The following SYT2 variants were observed in gnomAD, a reference collection of about 807,000 sequenced individuals.
The protein encoded by SYT2 is synaptotagmin 2.
In SYT2, 15 loss-of-function variants were observed where a neutral mutation model predicts 39.9. The ratio of observed to expected loss-of-function variants is 0.38; its 90% CI spans 0.25 to 0.58. The LOEUF (loss-of-function observed/expected upper bound fraction) is 0.58, where lower values mean the gene tolerates loss of function less well. Among genes scored for constraint, SYT2 ranks in the 20% least tolerant of loss-of-function variants. The pLI is 0.70. For missense variants in SYT2, 389 were observed against 530.3 expected, an observed-to-expected ratio of 0.73 and a Z score of 2.62; for synonymous variants, 181 against 204.5, an observed-to-expected ratio of 0.89 and a Z score of 0.98.
chr1:202,676,624 T>G (rs1653380958), intron 1 of SYT2, among the ~76,000 whole-genome samples: 1 of 152,182 alleles, frequency 6.6e-6, no homozygotes. Flanking sequence ...CAGGCTAGCA[T>G]TTTGGCTTCA....
At position 202,629,873 on chromosome 1, in the gene SYT2, G is replaced by GGC. The variant is rs1553338289; in HGVS notation, c.-17-24085_-17-24084insGC. Among the ~76,000 whole-genome samples the GGC allele has an allele frequency of 3.2e-3, 400 of 125,816 alleles. 51 individuals are homozygous for GGC. Among genetic ancestry groups the GGC allele is most frequent in the Non-Finnish European group, 5.3e-3 (300 of 56,362 alleles). The allele number at this position is 125,816 out of a possible 152,430, so 82.5% of individuals were successfully genotyped here. A position where few individuals can be genotyped will look rare whatever the true frequency, so the allele number is the denominator to read the frequency against. On this transcript the variant is annotated intron_variant, in intron 1 of 8. Coordinates refer to ENST00000367268, the MANE Select transcript of SYT2 (RefSeq NM_177402.5). ...ATACCCAGCAGGCAGCTGGTGGGGG[G>GGC]GGGGGGGTGGTACGGCAGGTGTGTT...
chr1:202,705,234 C>T (rs1268791798), intron 1 of SYT2, among the ~76,000 whole-genome samples: 2 of 152,238 alleles, frequency 1.3e-5, no homozygotes, highest in African/African-American at 4.8e-5. Flanking sequence ...AACCACACAA[C>T]TTCTCTGGGC....
At chr1:202,640,734 C>CAGAGAGAGAGAGAGAGAG (rs56979202) in intron 1 of SYT2, among the ~76,000 whole-genome samples, 6 of 90,666 alleles carry the variant, frequency 6.6e-5, no homozygotes, top group South Asian at 4.5e-4. Context: ...TCCTAATGGT[C>CAGAGAGAGAGAGAGAGAG]AGAGAGAGAG....
In SYT2 at chr1:202,593,832, T is replaced by C. The variant is rs1384219192; in HGVS notation, c.*2925A>G. 3 of 152,140 alleles carry C rather than the reference T, an allele frequency of 2.0e-5. No individual in the cohort carries two copies. Among genetic ancestry groups the C allele is most frequent in the Admixed American group, 2.0e-4 (3 of 15,262 alleles). The allele number at this position is 152,140 out of a possible 1,614,324, so 9.4% of individuals were successfully genotyped here. ...AAATCACCTCTATACTACTTTCCTTTCTCTGGAACAGACTTTGAGATGAAA... is the reference window on the plus strand; with the variant it reads ...AAATCACCTCTATACTACTTTCCTTCCTCTGGAACAGACTTTGAGATGAAA... On this transcript the variant is annotated 3_prime_UTR_variant, in exon 9 of 9. Coordinates refer to ENST00000367268, the MANE Select transcript of SYT2 (RefSeq NM_177402.5).
intron 1 of SYT2, among the ~76,000 whole-genome samples, chr1:202,652,580 T>A (rs753168023): frequency 6.6e-6 from 1 of 152,228 alleles, no homozygotes; most frequent in Non-Finnish European, 1.5e-5. Flanking sequence ...GGCAGCTTGC[T>A]GCTGGGCCCT....
chr1:202,662,518 A>T (rs1692400832), intron 1 of SYT2, among the ~76,000 whole-genome samples: 1 of 152,252 alleles, frequency 6.6e-6, no homozygotes, highest in South Asian at 2.1e-4. Flanking sequence ...GGCAGGGCCA[A>T]GTGCTACCCT....
chr1:202,626,035 A>G (rs1011079584), intron 1 of SYT2, among the ~76,000 whole-genome samples: 1 of 152,184 alleles, frequency 6.6e-6, no homozygotes, highest in Non-Finnish European at 1.5e-5. Context: ...ATATGCAAAC[A>G]TTGTGTGCAG....
At chr1:202,662,120 G>A (rs1030263641) in intron 1 of SYT2, among the ~76,000 whole-genome samples, 2 of 152,246 alleles carry the variant, frequency 1.3e-5, no homozygotes, top group Non-Finnish European at 2.9e-5. Context: ...CCTCTGAGCA[G>A]AGTTTTTGGG....
At position 202,594,125 on chromosome 1, in the gene SYT2, G is replaced by A. The variant is rs1243250717; in HGVS notation, c.*2632C>T. On this transcript the variant is annotated 3_prime_UTR_variant, in exon 9 of 9. Coordinates refer to ENST00000367268, the MANE Select transcript of SYT2 (RefSeq NM_177402.5). ...CAGGACCAGCTGGGACCTGAGGAAG[G>A]CACTGCTCCCCACACCCACACTGGC... 1 of 152,360 alleles carries A rather than the reference G, an allele frequency of 6.6e-6. No individual in the cohort carries two copies. The highest frequency in any genetic ancestry group is 1.5e-5 in the Non-Finnish European group (1 of 68,160). 9.4% of individuals were successfully genotyped at this position (152,360 alleles called of 1,614,324 possible). A position where few individuals can be genotyped will look rare whatever the true frequency, so the allele number is the denominator to read the frequency against.
intron 1 of SYT2, among the ~76,000 whole-genome samples, chr1:202,618,175 A>C (rs553129195): frequency 1.3e-5 from 2 of 152,158 alleles, no homozygotes; most frequent in East Asian, 3.9e-4. Context: ...TGGGTCTGTA[A>C]ATGATCAAGC....
At chr1:202,707,773 G>C (rs1654290770) in intron 1 of SYT2, among the ~76,000 whole-genome samples, 1 of 152,238 alleles carries the variant, frequency 6.6e-6, no homozygotes, top group South Asian at 2.1e-4. Context: ...ATAATGTTCA[G>C]ATGGAGGCAG....
rs938361366 is a variant in SYT2 at position 202,594,103 on chromosome 1, G to A, written c.*2654C>T. On this transcript the variant is annotated 3_prime_UTR_variant, in exon 9 of 9. Coordinates refer to ENST00000367268, the MANE Select transcript of SYT2 (RefSeq NM_177402.5). ...TGCCATCCACTACGTGGCATATCAG[G>A]ACCAGCTGGGACCTGAGGAAGGCAC... 1.3e-5 allele frequency: 2 copies of A among 152,262 alleles called. No individual in the cohort carries two copies. The highest frequency in any genetic ancestry group is 3.9e-4 in the East Asian group (2 of 5,190). 9.4% of individuals were successfully genotyped at this position (152,262 alleles called of 1,614,324 possible).
chr1:202,602,349 G>A (rs1690535478), intron 5 of SYT2, 29 bp downstream of exon 5: 2 of 1,603,782 alleles, frequency 1.2e-6, no homozygotes, highest in African/African-American at 1.3e-5. Flanking sequence ...CAGGCAGGGA[G>A]CTGGAGTCAC....
At chr1:202,706,806 C>G (rs191148612) in intron 1 of SYT2, among the ~76,000 whole-genome samples, 2 of 152,138 alleles carry the variant, frequency 1.3e-5, no homozygotes, top group African/African-American at 4.8e-5. Flanking sequence ...GGATTATTCA[C>G]GTAGGGAATT....
At chr1:202,644,109 G>A (rs1183359366) in intron 1 of SYT2, among the ~76,000 whole-genome samples, 2 of 152,212 alleles carry the variant, frequency 1.3e-5, no homozygotes, top group East Asian at 1.9e-4. Context: ...CGAGGGCTCC[G>A]GCAGCCCGCG....
Position 202,698,840 on chromosome 1 carries a change from A to G in SYT2, c.-18+11418T>C, listed in dbSNP as rs540442110. On this transcript the variant is annotated intron_variant, in intron 1 of 8. Transcript: ENST00000367268. ...TCCTAGAGATTGTACTTTCCAGCAG[A>G]CAACTCTTAGAGGGCCTGCTCAATG... is the stretch of plus-strand genomic sequence containing the variant. 2.0e-5 allele frequency among the ~76,000 whole-genome samples: 3 copies of G among 152,210 alleles called. No individual in the cohort carries two copies. The East Asian group carries it at 5.8e-4, about 29-fold the overall frequency.
intron 1 of SYT2, among the ~76,000 whole-genome samples, chr1:202,676,926 C>A (rs576994127): frequency 6.6e-6 from 1 of 152,328 alleles, no homozygotes; most frequent in African/African-American, 2.4e-5. Flanking sequence ...ATCATGGGGG[C>A]AGACTTCCCC....
At chr1:202,635,119 C>G (rs1195600400) in intron 1 of SYT2, among the ~76,000 whole-genome samples, 4 of 152,128 alleles carry the variant, frequency 2.6e-5, no homozygotes, top group Non-Finnish European at 5.9e-5. Context: ...CATATCCATT[C>G]CAATTTAATG....
rs775982942 is a variant in SYT2, at chr1:202,596,983, G to A, written c.1054-20C>T. ...GACTTTCTGCAAGGAAAACGAGGGA[G>A]GGAGTTGGCAGACAGAGACGTGGGA... On this transcript the variant is annotated intron_variant, in intron 8 of 8. Transcript: ENST00000367268. The A allele has an allele frequency of 6.2e-7, 1 of 1,608,006 alleles. No individual in the cohort carries two copies. Among genetic ancestry groups the A allele is most frequent in the Non-Finnish European group, 8.5e-7 (1 of 1,175,344 alleles).
Sources: gnomAD v4.1 joint callset for allele counts (sites outside exome capture counted in the v4.1 genomes callset) on GRCh38, gnomAD v4.1.1 for gene constraint, MANE v1.5 for transcripts, NCBI Gene and HGNC (gene_info 2026-07-23, HGNC 2026-07-21) for gene names.